The following ST6GAL2 variants were observed in gnomAD, a reference collection of about 807,000 sequenced individuals.
ST6GAL2 encodes the protein beta-galactoside alpha-2,6-sialyltransferase 2.
ST6GAL2 carries 24 observed loss-of-function variants against 37.5 expected under a neutral mutation model. The observed-to-expected ratio is 0.64, with a 90% CI of 0.46 to 0.90. The LOEUF (loss-of-function observed/expected upper bound fraction) is 0.90, where lower values mean the gene tolerates loss of function less well. ST6GAL2 is among the 40% of genes least tolerant of loss of function. The pLI, the probability that ST6GAL2 is intolerant of heterozygous loss-of-function variation, is 0.00. For missense variants in ST6GAL2, 715 were observed against 712.7 expected, an observed-to-expected ratio of 1.00 and a Z score of -0.04; for synonymous variants, 306 against 295.1, an observed-to-expected ratio of 1.04 and a Z score of -0.38.
In ST6GAL2 at chr2:106,805,258, T is replaced by C. The variant is rs1453973808; in HGVS notation, c.*1420A>G. 6.6e-6 allele frequency: 1 copy of C among 152,246 alleles called. No individual in the cohort carries two copies. Among genetic ancestry groups the C allele is most frequent in the Admixed American group, 6.5e-5 (1 of 15,286 alleles). The allele number at this position is 152,246 out of a possible 1,614,324, so 9.4% of individuals were successfully genotyped here. A position where few individuals can be genotyped will look rare whatever the true frequency, so the allele number is the denominator to read the frequency against. On this transcript the variant is annotated 3_prime_UTR_variant, in exon 6 of 6. Transcript: ENST00000409382. ...CATTTAATTAAGCTGCTATTGTCATTGCAACAAGTCTTAACTGTACCATGG... is the reference window on the plus strand; with the variant it reads ...CATTTAATTAAGCTGCTATTGTCATCGCAACAAGTCTTAACTGTACCATGG...
Position 106,802,319 on chromosome 2 carries a change from G to A in ST6GAL2, c.*4359C>T, listed in dbSNP as rs1428448632. 1 of 152,120 alleles carries A rather than the reference G, an allele frequency of 6.6e-6. No homozygotes were observed. Among genetic ancestry groups the A allele is most frequent in the Non-Finnish European group, 1.5e-5 (1 of 68,036 alleles). 9.4% of individuals were successfully genotyped at this position (152,120 alleles called of 1,614,324 possible). On this transcript the variant is annotated 3_prime_UTR_variant, in exon 6 of 6. Transcript: ENST00000409382. ...AAGCAATATAAAACCAACCATGTGT[G>A]TAGATATGTATATACACAATTATAT...
At chr2:106,870,997 C>T (rs1200337518) in intron 1 of ST6GAL2, among the ~76,000 whole-genome samples, 1 of 152,094 alleles carries the variant, frequency 6.6e-6, no homozygotes, top group African/African-American at 2.4e-5. Flanking sequence ...CATCCTTGGG[C>T]AATTTCATCG....
chr2:106,805,395 T>C lies in ST6GAL2; in HGVS notation c.*1283A>G, dbSNP rs552434793. On this transcript the variant is annotated 3_prime_UTR_variant, in exon 6 of 6. Coordinates refer to ENST00000409382, the MANE Select transcript of ST6GAL2 (RefSeq NM_001142351.2). ...AATTTTTCAATGTATCAGTGACAGT[T>C]GAGATTAAAGAAAAAATCAACCCTG... 6.6e-6 allele frequency: 1 copy of C among 152,336 alleles called. No individual in the cohort carries two copies. The highest frequency in any genetic ancestry group is 2.1e-4 in the South Asian group (1 of 4,828). 9.4% of individuals were successfully genotyped at this position (152,336 alleles called of 1,614,324 possible).
Position 106,805,465 on chromosome 2 carries a change from T to G in ST6GAL2, c.*1213A>C, listed in dbSNP as rs1675386271. 1 of 152,186 alleles carries G rather than the reference T, an allele frequency of 6.6e-6. No homozygotes were observed. Among genetic ancestry groups the G allele is most frequent in the African/African-American group, 2.4e-5 (1 of 41,444 alleles). 9.4% of individuals were successfully genotyped at this position (152,186 alleles called of 1,614,324 possible). On this transcript the variant is annotated 3_prime_UTR_variant, in exon 6 of 6. Coordinates refer to ENST00000409382, the MANE Select transcript of ST6GAL2 (RefSeq NM_001142351.2). Reference sequence around the variant, plus strand: ...GATGAAAATTTCCCTCTAGCTGCCTTTCCCTCTGAAGCATCTACATATTTT... The same window carrying G: ...GATGAAAATTTCCCTCTAGCTGCCTGTCCCTCTGAAGCATCTACATATTTT...
At position 106,814,875 on chromosome 2, in the gene ST6GAL2, A is replaced by G. The variant is rs548098583; in HGVS notation, c.1319-7926T>C. On this transcript the variant is annotated intron_variant, in intron 5 of 5. Coordinates refer to ENST00000409382, the MANE Select transcript of ST6GAL2 (RefSeq NM_001142351.2). ...CACTGAATAACAAGATAAAATCTCT[A>G]GTATCTGACTAGGGATGAAAGAGAG... 7.3e-4 allele frequency among the ~76,000 whole-genome samples: 111 copies of G among 152,350 alleles called. 1 individual carries two copies. Among genetic ancestry groups the G allele is most frequent in the African/African-American group, 2.5e-3 (104 of 41,580 alleles).
intron 1 of ST6GAL2, among the ~76,000 whole-genome samples, chr2:106,857,508 G>C (rs976553982): frequency 6.6e-5 from 10 of 152,084 alleles, no homozygotes; most frequent in Non-Finnish European, 1.5e-4. Context: ...GGAGGCTGAG[G>C]CAGGAGAATT....
chr2:106,861,472 G>A (rs1041465929), intron 1 of ST6GAL2, among the ~76,000 whole-genome samples: 1 of 152,138 alleles, frequency 6.6e-6, no homozygotes, highest in Non-Finnish European at 1.5e-5. Context: ...CACTGTGCTA[G>A]ATGGTGGGGA....
At chr2:106,869,419 C>T (rs769857631) in intron 1 of ST6GAL2, among the ~76,000 whole-genome samples, 6 of 152,244 alleles carry the variant, frequency 3.9e-5, no homozygotes, top group East Asian at 1.9e-4. Context: ...CATCTTCTCC[C>T]GCAGGAACTT....
chr2:106,868,521 A>G (rs1678128784), intron 1 of ST6GAL2, among the ~76,000 whole-genome samples: 1 of 152,222 alleles, frequency 6.6e-6, no homozygotes, highest in Non-Finnish European at 1.5e-5. Flanking sequence ...AGAACCGGCC[A>G]TAATAAACTA....
At chr2:106,852,912 C>G (rs1677429645) in intron 1 of ST6GAL2, among the ~76,000 whole-genome samples, 1 of 152,134 alleles carries the variant, frequency 6.6e-6, no homozygotes, top group African/African-American at 2.4e-5. Context: ...CACATTGTCT[C>G]GATTCCTCGT....
chr2:106,866,187 T>C (rs1355154117), intron 1 of ST6GAL2, among the ~76,000 whole-genome samples: 1 of 152,202 alleles, frequency 6.6e-6, no homozygotes, highest in Non-Finnish European at 1.5e-5. Context: ...CTCCTTGAGG[T>C]TAAGAATCCA....
chr2:106,870,436 G>T (rs542550121), intron 1 of ST6GAL2, among the ~76,000 whole-genome samples: 12 of 152,202 alleles, frequency 7.9e-5, no homozygotes, highest in African/African-American at 2.9e-4. Flanking sequence ...TTTATTACCA[G>T]TTTTCTAGGA....
At chr2:106,823,063 T>C (rs1676065483) in intron 5 of ST6GAL2, 2 of 152,184 alleles carry the variant, frequency 1.3e-5, no homozygotes, top group South Asian at 4.1e-4. Context: ...GTTCTTAGAG[T>C]TTGCTTTCTT....
At chr2:106,826,883 TG>T (rs1393610822) in intron 5 of ST6GAL2, among the ~76,000 whole-genome samples, 1 of 152,178 alleles carries the variant, frequency 6.6e-6, no homozygotes. Context: ...GTATAGGAAG[TG>T]GGGCACACTG....
At chr2:106,834,869 A>T (rs1212939097) in intron 2 of ST6GAL2, 1 of 152,156 alleles carries the variant, frequency 6.6e-6, no homozygotes, top group Admixed American at 6.5e-5. Flanking sequence ...GCTTCACCAA[A>T]CTTGAACTAT....
chr2:106,836,773 CAAA>C (rs70956213), intron 2 of ST6GAL2, among the ~76,000 whole-genome samples: 11 of 70,216 alleles, frequency 1.6e-4, no homozygotes, highest in South Asian at 1.2e-3. Flanking sequence ...ACTAAAAATA[CAAA>C]AAAAAAAAAA....
Position 106,809,005 on chromosome 2 carries a change from T to TCAAAA in ST6GAL2, c.1319-2061_1319-2057dup, listed in dbSNP as rs1393729200. 2.6e-5 allele frequency among the ~76,000 whole-genome samples: 4 copies of TCAAAA among 152,124 alleles called. No individual in the cohort carries two copies. The East Asian group carries it at 5.8e-4, about 22-fold the overall frequency. On this transcript the variant is annotated intron_variant, in intron 5 of 5. Coordinates refer to ENST00000409382, the MANE Select transcript of ST6GAL2 (RefSeq NM_001142351.2). ...CTGGGCAACAGAGCAAGACTCTGTC[T>TCAAAA]CAAAACAAAACAAAACAACCCACAA...
At chr2:106,844,858 G>A (rs1424267775) in intron 1 of ST6GAL2, among the ~76,000 whole-genome samples, 1 of 152,162 alleles carries the variant, frequency 6.6e-6, no homozygotes, top group Non-Finnish European at 1.5e-5. Context: ...TACAATGAAA[G>A]AGAATGAACC....
At chr2:106,816,262 T>C (rs769486798) in intron 5 of ST6GAL2, among the ~76,000 whole-genome samples, 8 of 152,210 alleles carry the variant, frequency 5.3e-5, no homozygotes, top group Non-Finnish European at 1.2e-4. Flanking sequence ...CACATACTTA[T>C]GTGAGGATAA....
Sources: allele counts gnomAD v4.1 joint callset (sites outside exome capture counted in the v4.1 genomes callset), GRCh38; gene constraint gnomAD v4.1.1; transcripts MANE v1.5; gene names NCBI Gene and HGNC (gene_info 2026-07-23, HGNC 2026-07-21).